The following FAM81B variants were observed in gnomAD, a reference collection of about 807,000 sequenced individuals.
FAM81B encodes family with sequence similarity 81 member B.
A neutral mutation model predicts 58.7 loss-of-function variants in FAM81B; 60 were observed. That is an observed-to-expected ratio of 1.02 (90% CI 0.83 to 1.27). FAM81B has a LOEUF of 1.27. Among genes scored for constraint, FAM81B ranks in the 50% most tolerant of loss-of-function variants. The pLI is 0.00. For synonymous variants in FAM81B, 189 were observed against 179.6 expected (o/e 1.05, Z -0.42); for missense variants, 491 against 522.0 (o/e 0.94, Z 0.58).
intron 5 of FAM81B, among the ~76,000 whole-genome samples, chr5:95,425,531 A>G (rs1582811862): frequency 2.6e-5 from 4 of 152,328 alleles, no homozygotes; most frequent in Admixed American, 2.6e-4. Context: ...TCAAGCACTC[A>G]AGAACTTGAG....
Position 95,450,207 on chromosome 5 carries a change from G to A in FAM81B, c.1284G>A (p.Met428Ile), listed in dbSNP as rs1189914937. ...SSLQQIQKTK[M>I]DLEKYKVQKD... is the part of the protein sequence containing the mutation. The stretch of plus-strand genomic sequence containing the variant: ...TCCAACAAATACAGAAAACAAAGAT[G>A]GATTTAGAGAAATATAAAGTACAGA... The change falls in exon 10 of 10, where the codon ATG becomes ATA. Residue 428 changes from methionine (M) to isoleucine (I), a missense_variant. Coordinates refer to ENST00000283357, the MANE Select transcript of FAM81B (RefSeq NM_152548.3). The A allele has an allele frequency of 1.9e-6, 3 of 1,612,972 alleles. No homozygotes were observed. Among genetic ancestry groups the A allele is most frequent in the East Asian group, 2.2e-5 (1 of 44,696 alleles).
Position 95,413,941 on chromosome 5 carries a change from G to T in FAM81B, c.294-6G>T. On this transcript the variant is annotated splice_region_variant and splice_polypyrimidine_tract_variant and intron_variant, in intron 3 of 9. Coordinates refer to ENST00000283357, the MANE Select transcript of FAM81B (RefSeq NM_152548.3). ...CCTGGTGTTTCCTTTTCCTTTTTCT[G>T]ATCAGGAGTCATGCTTTTCTCCCCA... 6.2e-7 allele frequency: 1 copy of T among 1,608,952 alleles called. No individual in the cohort carries two copies. The highest frequency in any genetic ancestry group is 8.5e-7 in the Non-Finnish European group (1 of 1,177,942).
At chr5:95,429,493 G>T (rs1744784986) in intron 6 of FAM81B, among the ~76,000 whole-genome samples, 1 of 152,172 alleles carries the variant, frequency 6.6e-6, no homozygotes, top group South Asian at 2.1e-4. Flanking sequence ...ATGAAAGTCT[G>T]GCGTTTGATT....
chr5:95,418,345 C>T (rs1198077941), intron 4 of FAM81B, among the ~76,000 whole-genome samples: 2 of 152,052 alleles, frequency 1.3e-5, no homozygotes, highest in African/African-American at 4.8e-5. Flanking sequence ...CAAGGAGAAG[C>T]CGTAAAGAGC....
intron 6 of FAM81B, among the ~76,000 whole-genome samples, chr5:95,431,171 T>C (rs1744870061): frequency 1.3e-5 from 2 of 152,076 alleles, no homozygotes; most frequent in East Asian, 3.9e-4. Flanking sequence ...AATAGTTCTC[T>C]AGTTGTAGTT....
chr5:95,398,561 G>A (rs1469395), intron 3 of FAM81B, among the ~76,000 whole-genome samples: 52,066 of 152,062 alleles, frequency 0.34, 9,138 homozygotes, highest in Admixed American at 0.4. Flanking sequence ...AATGGCCTGA[G>A]TTTATATTAC....
intron 3 of FAM81B, among the ~76,000 whole-genome samples, chr5:95,398,722 A>T (rs1353097593): frequency 2.0e-5 from 3 of 152,220 alleles, no homozygotes; most frequent in African/African-American, 7.2e-5. Flanking sequence ...AAGGAGAGAA[A>T]TGAATTATTA....
chr5:95,412,434 T>C (rs1414432731), intron 3 of FAM81B, among the ~76,000 whole-genome samples: 1 of 152,192 alleles, frequency 6.6e-6, no homozygotes, highest in Non-Finnish European at 1.5e-5. Flanking sequence ...GTTGGTAACT[T>C]TGCTGGCTTC....
chr5:95,393,622 C>T (rs944563561), intron 2 of FAM81B, among the ~76,000 whole-genome samples: 5 of 152,088 alleles, frequency 3.3e-5, no homozygotes, highest in African/African-American at 1.2e-4. Flanking sequence ...GGGCAAGTCC[C>T]GTACTTCTCT....
At chr5:95,411,686 C>T (rs1450787875) in intron 3 of FAM81B, among the ~76,000 whole-genome samples, 2 of 152,152 alleles carry the variant, frequency 1.3e-5, no homozygotes, top group Non-Finnish European at 2.9e-5. Context: ...GTCACTACGG[C>T]ATATGCAATT....
At chr5:95,443,093 A>G (rs544573520) in intron 7 of FAM81B, among the ~76,000 whole-genome samples, 1 of 152,254 alleles carries the variant, frequency 6.6e-6, no homozygotes, top group South Asian at 2.1e-4. Context: ...AACACAAGAC[A>G]TTGGTTTTGG....
intron 3 of FAM81B, among the ~76,000 whole-genome samples, chr5:95,400,221 T>C (rs1486983023): frequency 6.6e-6 from 1 of 152,152 alleles, no homozygotes; most frequent in Non-Finnish European, 1.5e-5. Context: ...GAAATCAAAG[T>C]GCCAGCAGGA....
At chr5:95,425,187 A>T (rs1157258434) in intron 5 of FAM81B, among the ~76,000 whole-genome samples, 1 of 151,950 alleles carries the variant, frequency 6.6e-6, no homozygotes, top group African/African-American at 2.4e-5. Context: ...AAAAAAAAAA[A>T]TCATGCCTAT....
chr5:95,415,575 T>C (rs1345926386), intron 4 of FAM81B, among the ~76,000 whole-genome samples: 4 of 152,190 alleles, frequency 2.6e-5, no homozygotes, highest in Non-Finnish European at 5.9e-5. Context: ...TAAAGGTATT[T>C]CCATGCATAA....
At chr5:95,405,239 A>G (rs868645680) in intron 3 of FAM81B, among the ~76,000 whole-genome samples, 10 of 152,208 alleles carry the variant, frequency 6.6e-5, no homozygotes, top group Non-Finnish European at 8.8e-5. Context: ...TGTTGGAATG[A>G]TGAGAAAATG....
At chr5:95,429,458 T>C (rs1272537500) in intron 6 of FAM81B, among the ~76,000 whole-genome samples, 2 of 152,224 alleles carry the variant, frequency 1.3e-5, no homozygotes, top group South Asian at 2.1e-4. Flanking sequence ...CAGAACAAAG[T>C]AGACATCCTC....
chr5:95,415,451 G>C (rs936621298), intron 4 of FAM81B, among the ~76,000 whole-genome samples: 12 of 152,132 alleles, frequency 7.9e-5, no homozygotes, highest in Admixed American at 3.9e-4. Flanking sequence ...ATGTACCTGA[G>C]GCAGTGTGAA....
At chr5:95,394,539 AAC>A (rs1233526739) in intron 2 of FAM81B, among the ~76,000 whole-genome samples, 1 of 152,162 alleles carries the variant, frequency 6.6e-6, no homozygotes, top group Non-Finnish European at 1.5e-5. Context: ...CAGGAGTGAA[AAC>A]ACTCTCCACG....
chr5:95,394,245 A>G (rs1225256793), intron 2 of FAM81B, among the ~76,000 whole-genome samples: 1 of 152,244 alleles, frequency 6.6e-6, no homozygotes, highest in Non-Finnish European at 1.5e-5. Context: ...AAGACTTAAA[A>G]ATTAATAAAA....
Sources: gnomAD v4.1 joint callset for allele counts (sites outside exome capture counted in the v4.1 genomes callset) on GRCh38, gnomAD v4.1.1 for gene constraint, MANE v1.5 for transcripts, NCBI Gene and HGNC (gene_info 2026-07-23, HGNC 2026-07-21) for gene names.